The following EPS8 variants were observed in gnomAD, a reference collection of about 807,000 sequenced individuals.
EPS8 encodes EGFR pathway substrate 8, signaling adaptor.
In EPS8, 42 loss-of-function variants were observed where a neutral mutation model predicts 103.8. The observed-to-expected ratio is 0.40, with a 90% CI of 0.32 to 0.52. The LOEUF is 0.52. EPS8 is among the 20% of genes least tolerant of loss of function. EPS8 has a pLI of 0.40. For synonymous variants in EPS8, 344 were observed against 344.6 expected (o/e 1.00, Z 0.02); for missense variants, 969 against 1,005.1 (o/e 0.96, Z 0.49).
At chr12:15,782,390 A>G (rs1947269189) in intron 1 of EPS8, among the ~76,000 whole-genome samples, 1 of 152,130 alleles carries the variant, frequency 6.6e-6, no homozygotes, top group Non-Finnish European at 1.5e-5. Flanking sequence ...GGTTCCAGCT[A>G]TTCAGAAGGC....
intron 8 of EPS8, among the ~76,000 whole-genome samples, chr12:15,664,529 C>T (rs1238531952): frequency 2.6e-5 from 4 of 152,054 alleles, no homozygotes; most frequent in Admixed American, 2.6e-4. Flanking sequence ...AATTATTATC[C>T]CCATTTCAGA....
At chr12:15,711,699 T>G (rs1247184262) in intron 1 of EPS8, among the ~76,000 whole-genome samples, 1 of 152,224 alleles carries the variant, frequency 6.6e-6, no homozygotes, top group East Asian at 1.9e-4. Flanking sequence ...CACCTATTTA[T>G]GCTACAAAAA....
At chr12:15,640,204 T>C (rs1054414936) in intron 17 of EPS8, among the ~76,000 whole-genome samples, 9 of 152,188 alleles carry the variant, frequency 5.9e-5, no homozygotes, top group Admixed American at 5.9e-4. Flanking sequence ...AGGAAAAATA[T>C]TGTAATCCAG....
In EPS8 at chr12:15,650,819, C is replaced by T. The variant is rs750307152; in HGVS notation, c.1434+4G>A. 1.2e-6 allele frequency: 2 copies of T among 1,608,348 alleles called. No individual in the cohort carries two copies. Among genetic ancestry groups the T allele is most frequent in the South Asian group, 1.1e-5 (1 of 90,456 alleles). On this transcript the variant is annotated splice_donor_region_variant and intron_variant, in intron 14 of 20. Coordinates refer to ENST00000281172, the MANE Select transcript of EPS8 (RefSeq NM_004447.6). Reference sequence around the variant, plus strand: ...ACAGAGGGCAATGTTAAAAAAAAAACTACCTCTGTGGATAATCTTTTTATT... The same window carrying T: ...ACAGAGGGCAATGTTAAAAAAAAAATTACCTCTGTGGATAATCTTTTTATT...
At chr12:15,639,755 A>G (rs759268003) in intron 17 of EPS8, among the ~76,000 whole-genome samples, 29 of 152,176 alleles carry the variant, frequency 1.9e-4, no homozygotes, top group Admixed American at 2.6e-4. Context: ...AGCTTTGGAC[A>G]ATCTGTATTT....
rs112019985 is a variant in EPS8, at chr12:15,626,117, G to A, written c.2045-1710C>T. Among the ~76,000 whole-genome samples, 1,371 of 152,112 alleles carry A rather than the reference G, an allele frequency of 9.0e-3. 27 individuals carry two copies. Among genetic ancestry groups the A allele is most frequent in the African/African-American group, 0.031 (1,293 of 41,500 alleles). ...CTTTCCAGTTCTGGCAAAATACCAC[G>A]GAGCTGCACTTGATTCCTGTCCTAT... On this transcript the variant is annotated intron_variant, in intron 18 of 20. Transcript: ENST00000281172.
chr12:15,667,321 T>A (rs1945732077), intron 6 of EPS8, among the ~76,000 whole-genome samples: 1 of 152,164 alleles, frequency 6.6e-6, no homozygotes, highest in Non-Finnish European at 1.5e-5. Context: ...TAAAAGAGCA[T>A]CTCATCAGTT....
chr12:15,767,229 T>C lies in EPS8; in HGVS notation c.-22+21932A>G, dbSNP rs183084795. ...AAATATATCAATGTTAATAAGAAGT[T>C]TACAAATTGGAAGGTAAATTAAATA... On this transcript the variant is annotated intron_variant, in intron 1 of 20. Transcript: ENST00000281172. The surrounding 1 kb of genome is among the most constrained non-coding windows in gnomAD (Gnocchi z 5.5). Among the ~76,000 whole-genome samples the C allele has an allele frequency of 6.6e-6, 1 of 152,292 alleles. No homozygotes were observed. Among genetic ancestry groups the C allele is most frequent in the East Asian group, 1.9e-4 (1 of 5,188 alleles).
At chr12:15,654,682 T>C (rs1945476448) in intron 12 of EPS8, among the ~76,000 whole-genome samples, 1 of 152,174 alleles carries the variant, frequency 6.6e-6, no homozygotes, top group South Asian at 2.1e-4. Context: ...ACTTGAAAAA[T>C]GCGGTTCCCG....
rs1012651164 is a variant in EPS8 at position 15,745,337 on chromosome 12, C to T, written c.-22+43824G>A. Among the ~76,000 whole-genome samples the T allele has an allele frequency of 6.6e-6, 1 of 152,228 alleles. No individual in the cohort carries two copies. Among genetic ancestry groups the T allele is most frequent in the East Asian group, 1.9e-4 (1 of 5,174 alleles). On this transcript the variant is annotated intron_variant, in intron 1 of 20. Coordinates refer to ENST00000281172, the MANE Select transcript of EPS8 (RefSeq NM_004447.6). This position sits in a 1 kb window ranked among gnomAD's most constrained non-coding sequence, Gnocchi z 4.6. ...GTAGATCAGGATAGCAAGTACATGA[C>T]GTTTGTGCGGGCCCTCCCCGTTCCC...
rs760149952 is a variant in EPS8 at position 15,631,504 on chromosome 12, G to A, written c.1982C>T (p.Ser661Phe). The part of the protein sequence containing the change: ...PANITRQNSS[S>F]SDSGGSIVRD... ...CACGATACTGCCACCACTGTCACTG[G>A]AGCTGCTGTTTTGACGTGTTATATT... The change falls in exon 18 of 21, where the codon TCC (serine) becomes TTC (phenylalanine). Residue 661 changes from serine (S) to phenylalanine (F), a missense_variant. Physicochemically the swap from Ser to Phe is radical, Grantham distance 155. Coordinates refer to ENST00000281172, the MANE Select transcript of EPS8 (RefSeq NM_004447.6). 1.9e-6 allele frequency: 3 copies of A among 1,614,040 alleles called. No individual in the cohort carries two copies. The highest frequency in any genetic ancestry group is 1.7e-5 in the Admixed American group (1 of 60,010).
chr12:15,670,830 T>C (rs762858839), intron 4 of EPS8, 26 bp downstream of exon 4: 1 of 1,540,720 alleles, frequency 6.5e-7, no homozygotes, highest in Admixed American at 1.7e-5. Context: ...TCACTCTAAA[T>C]ACTAGCAAAC....
At chr12:15,642,411 A>G (rs1945248162) in intron 15 of EPS8, among the ~76,000 whole-genome samples, 1 of 152,166 alleles carries the variant, frequency 6.6e-6, no homozygotes, top group Non-Finnish European at 1.5e-5. Context: ...CAAATAAGTA[A>G]GTAAATAATT....
At position 15,739,707 on chromosome 12, in the gene EPS8, C is replaced by T. The variant is rs115293720; in HGVS notation, c.-22+49454G>A. Among the ~76,000 whole-genome samples the T allele has an allele frequency of 8.7e-3, 1,329 of 152,202 alleles. 18 individuals are homozygous for T. Among genetic ancestry groups the T allele is most frequent in the African/African-American group, 0.031 (1,267 of 41,528 alleles). The stretch of plus-strand genomic sequence containing the variant: ...GTTCTCCAGCTTGCAGATGGCCTAT[C>T]GTGGGACTTCTCAGCCTCCACAATT... On this transcript the variant is annotated intron_variant, in intron 1 of 20. Transcript: ENST00000281172.
chr12:15,688,949 T>C lies in EPS8; in HGVS notation c.-21-5977A>G, dbSNP rs541271037. Reference sequence around the variant, plus strand: ...TTCACTCCTAGACACTGCTGTGGGATTGGAACCTCACAGCCTGCCAGTCTG... The same window carrying C: ...TTCACTCCTAGACACTGCTGTGGGACTGGAACCTCACAGCCTGCCAGTCTG... On this transcript the variant is annotated intron_variant, in intron 1 of 20. Transcript: ENST00000281172. This position sits in a 1 kb window ranked among gnomAD's most constrained non-coding sequence, Gnocchi z 5.1. Among the ~76,000 whole-genome samples the C allele has an allele frequency of 1.3e-5, 2 of 152,256 alleles. No individual in the cohort carries two copies. Among genetic ancestry groups the C allele is most frequent in the Admixed American group, 6.5e-5 (1 of 15,292 alleles).
At chr12:15,673,364 T>C (rs1591842252) in intron 3 of EPS8, among the ~76,000 whole-genome samples, 2 of 152,272 alleles carry the variant, frequency 1.3e-5, no homozygotes, top group South Asian at 4.1e-4. Context: ...TCCATAAAGG[T>C]TAATATTAAC....
chr12:15,677,560 T>G (rs1471713966), intron 3 of EPS8, among the ~76,000 whole-genome samples: 1 of 152,220 alleles, frequency 6.6e-6, no homozygotes, highest in African/African-American at 2.4e-5. Flanking sequence ...GTACCACCCA[T>G]GAAGGCAAAT....
chr12:15,784,625 C>T lies in EPS8; in HGVS notation c.-22+4536G>A, dbSNP rs1378151273. Among the ~76,000 whole-genome samples the T allele has an allele frequency of 1.3e-5, 2 of 152,234 alleles. No individual in the cohort carries two copies. Among genetic ancestry groups the T allele is most frequent in the Non-Finnish European group, 2.9e-5 (2 of 67,968 alleles). On this transcript the variant is annotated intron_variant, in intron 1 of 20. Coordinates refer to ENST00000281172, the MANE Select transcript of EPS8 (RefSeq NM_004447.6). The surrounding 1 kb of genome is among the most constrained non-coding windows in gnomAD (Gnocchi z 4.0). ...TAATCTTACCACAGGATCCAGCAAT[C>T]GCACTTCTAGATATTTATCCAACGG...
chr12:15,781,771 C>T lies in EPS8; in HGVS notation c.-22+7390G>A, dbSNP rs769178847. ...GGTTAAGAAGTCCATGGTCGAGGGG[C>T]TACATCTGCTAAGAGCCTCCTTGCT... On this transcript the variant is annotated intron_variant, in intron 1 of 20. Transcript: ENST00000281172. The surrounding 1 kb of genome is among the most constrained non-coding windows in gnomAD (Gnocchi z 4.1). 3.3e-5 allele frequency: 5 copies of T among 152,334 alleles called. No individual in the cohort carries two copies. Among genetic ancestry groups the T allele is most frequent in the Non-Finnish European group, 7.3e-5 (5 of 68,166 alleles). 9.4% of individuals were successfully genotyped at this position (152,334 alleles called of 1,614,324 possible). A position where few individuals can be genotyped will look rare whatever the true frequency, so the allele number is the denominator to read the frequency against.
Sources: gnomAD v4.1 joint callset for allele counts (sites outside exome capture counted in the v4.1 genomes callset) on GRCh38, gnomAD v4.1.1 for gene constraint, Gnocchi (gnomAD v3.1) non-coding constraint, MANE v1.5 for transcripts, NCBI Gene and HGNC (gene_info 2026-07-23, HGNC 2026-07-21) for gene names.